Variants in TPST1 observed in about 807,000 individuals in gnomAD.
TPST1 encodes protein-tyrosine sulfotransferase 1.
A neutral mutation model predicts 34.8 loss-of-function variants in TPST1; 20 were observed. The ratio of observed to expected loss-of-function variants is 0.57; its 90% CI spans 0.40 to 0.84. The LOEUF (loss-of-function observed/expected upper bound fraction) is 0.84. Ranked by LOEUF, TPST1 falls within the 40% of genes least tolerant of loss-of-function variation. TPST1 has a pLI of 0.00. For synonymous variants in TPST1, 152 were observed against 159.4 expected (o/e 0.95, Z 0.35); for missense variants, 353 against 455.5 (o/e 0.78, Z 2.05).
upstream of TPST1, among the ~76,000 whole-genome samples, chr7:66,203,710 C>T (rs1369067788): frequency 6.6e-6 from 1 of 151,846 alleles, no homozygotes; most frequent in Non-Finnish European, 1.5e-5. Context: ...TGGTCTCGAT[C>T]TCCTGACCTT....
At chr7:66,253,824 G>A (rs1200684882) in intron 2 of TPST1, among the ~76,000 whole-genome samples, 1 of 151,590 alleles carries the variant, frequency 6.6e-6, no homozygotes, top group Non-Finnish European at 1.5e-5. Context: ...GATCACTTGA[G>A]GTAAGGAGTT....
intron 3 of TPST1, among the ~76,000 whole-genome samples, chr7:66,336,703 A>G (rs1047683156): frequency 6.6e-6 from 1 of 152,242 alleles, no homozygotes; most frequent in Non-Finnish European, 1.5e-5. Flanking sequence ...CATGGCTGAA[A>G]AAGTCCCAAA....
At chr7:66,236,039 CT>C (rs1037793872) in intron 1 of TPST1, among the ~76,000 whole-genome samples, 1 of 151,708 alleles carries the variant, frequency 6.6e-6, no homozygotes, top group Non-Finnish European at 1.5e-5. Context: ...TTCAATACAG[CT>C]TTTTTTTAAA....
intron 1 of TPST1, among the ~76,000 whole-genome samples, chr7:66,230,244 C>T (rs1765918656): frequency 6.6e-6 from 1 of 152,144 alleles, no homozygotes; most frequent in Admixed American, 6.6e-5. Flanking sequence ...CAGCTCCAGG[C>T]AACTATTTTA....
intron 1 of TPST1, among the ~76,000 whole-genome samples, chr7:66,213,607 T>A (rs1399203800): frequency 6.6e-6 from 1 of 152,096 alleles, no homozygotes. Flanking sequence ...TAAAAAAAAT[T>A]AGCCAGGCTT....
intron 1 of TPST1, among the ~76,000 whole-genome samples, chr7:66,233,773 C>T (rs563708429): frequency 3.3e-5 from 5 of 152,324 alleles, no homozygotes; most frequent in African/African-American, 1.2e-4. Flanking sequence ...ACTTGACCTA[C>T]AAGATTTGTG....
intron 2 of TPST1, among the ~76,000 whole-genome samples, chr7:66,243,175 G>A (rs1584168369): frequency 6.6e-6 from 1 of 151,972 alleles, no homozygotes; most frequent in Non-Finnish European, 1.5e-5. Flanking sequence ...GTGTTTGTGT[G>A]TGTGTGTGTG....
chr7:66,350,155 A>C (rs1257642425), intron 3 of TPST1, among the ~76,000 whole-genome samples: 2 of 152,178 alleles, frequency 1.3e-5, no homozygotes, highest in African/African-American at 4.8e-5. Context: ...CTGGGATTAC[A>C]GGCGCCTGCC....
At chr7:66,323,541 C>T (rs1791801059) in intron 3 of TPST1, among the ~76,000 whole-genome samples, 1 of 152,132 alleles carries the variant, frequency 6.6e-6, no homozygotes, top group South Asian at 2.1e-4. Flanking sequence ...ACCACCCTAG[C>T]ATTCCTGAGA....
chr7:66,223,840 A>G (rs2116303558), intron 1 of TPST1, among the ~76,000 whole-genome samples: 1 of 152,280 alleles, frequency 6.6e-6, no homozygotes, highest in Admixed American at 6.5e-5. Context: ...TACCCTCCAC[A>G]CATTCCTGCT....
rs1032232935 is a variant in TPST1, at chr7:66,253,606, T to C, written c.845+12336T>C. Among the ~76,000 whole-genome samples, 7 of 151,670 alleles carry C rather than the reference T, an allele frequency of 4.6e-5. No individual in the cohort carries two copies. The South Asian group carries it at 6.3e-4, about 14-fold the overall frequency. The stretch of plus-strand genomic sequence containing the variant: ...CAGGATGGTCTCTCTCTCCTGACCT[T>C]GTGATCCGCCCACCCTGGCCTCCCA... On this transcript the variant is annotated intron_variant, in intron 2 of 5. Transcript: ENST00000304842.
At chr7:66,296,231 A>T (rs1047810066) in intron 3 of TPST1, among the ~76,000 whole-genome samples, 7 of 148,198 alleles carry the variant, frequency 4.7e-5, no homozygotes, top group Non-Finnish European at 8.9e-5. Context: ...CACTGAAATT[A>T]AAAAACACCC....
chr7:66,349,298 G>A (rs888608390), intron 3 of TPST1, among the ~76,000 whole-genome samples: 6 of 152,156 alleles, frequency 3.9e-5, no homozygotes, highest in South Asian at 2.1e-4. Context: ...TTGGCTGGGC[G>A]CCGTGGCTCA....
intron 3 of TPST1, among the ~76,000 whole-genome samples, chr7:66,303,962 T>C (rs1326478757): frequency 6.6e-6 from 1 of 152,162 alleles, no homozygotes; most frequent in Non-Finnish European, 1.5e-5. Flanking sequence ...TGAGAAATGC[T>C]CCATTACCCA....
intron 2 of TPST1, among the ~76,000 whole-genome samples, chr7:66,250,142 G>A (rs1035043298): frequency 6.6e-5 from 10 of 152,272 alleles, no homozygotes; most frequent in African/African-American, 2.4e-4. Context: ...CTGAACATTT[G>A]TTATGTGCCA....
chr7:66,216,980 C>A (rs1266003621), intron 1 of TPST1, among the ~76,000 whole-genome samples: 1 of 151,998 alleles, frequency 6.6e-6, no homozygotes. Context: ...ATTTCATTTC[C>A]ACATATTTGT....
chr7:66,319,893 A>G (rs1791715684), intron 3 of TPST1, among the ~76,000 whole-genome samples: 1 of 152,154 alleles, frequency 6.6e-6, no homozygotes, highest in Non-Finnish European at 1.5e-5. Context: ...CCAGGGAGGC[A>G]TTAGCAGTAC....
At chr7:66,285,404 A>T (rs1791015534) in intron 2 of TPST1, among the ~76,000 whole-genome samples, 3 of 152,132 alleles carry the variant, frequency 2.0e-5, no homozygotes, top group African/African-American at 7.2e-5. Context: ...CAGTGGGTTA[A>T]GTGGAGTCCT....
the TPST1 span, among the ~76,000 whole-genome samples, chr7:66,199,117 T>C: frequency 1.5e-3 from 224 of 152,254 alleles, no homozygotes; most frequent in African/African-American, 5.2e-3. Context: ...GTGACCCAAG[T>C]GTCCTCCTGT....
Sources: allele counts gnomAD v4.1 joint callset (sites outside exome capture counted in the v4.1 genomes callset), GRCh38; gene constraint gnomAD v4.1.1; transcripts MANE v1.5; gene names NCBI Gene and HGNC (gene_info 2026-07-23, HGNC 2026-07-21).